CARMIL1: variants seen among roughly 807,000 people sequenced by gnomAD.
CARMIL1 encodes the protein capping protein regulator and myosin 1 linker 1.
In CARMIL1, 90 loss-of-function variants were observed where a neutral mutation model predicts 177.1. The observed-to-expected ratio is 0.51, with a 90% CI of 0.43 to 0.61. The LOEUF is 0.61. Ranked by LOEUF, CARMIL1 falls within the 20% of genes least tolerant of loss-of-function variation. The pLI, the probability that CARMIL1 is intolerant of heterozygous loss-of-function variation, is 0.00. For missense variants in CARMIL1, 1,380 were observed against 1,667.0 expected, an observed-to-expected ratio of 0.83 and a Z score of 3.00; for synonymous variants, 577 against 606.2, an observed-to-expected ratio of 0.95 and a Z score of 0.71.
rs564548432 is a variant in CARMIL1, at chr6:25,284,979, A to C, written c.138+70A>C. ...TGTGTTTTCATTGTTTAGATTGCTTAATTTTCATGCAGCATTACTTCTGTG... is the reference window on the plus strand; with the variant it reads ...TGTGTTTTCATTGTTTAGATTGCTTCATTTTCATGCAGCATTACTTCTGTG... On this transcript the variant is annotated intron_variant, in intron 2 of 36. Transcript: ENST00000329474. 3.3e-5 allele frequency: 31 copies of C among 927,048 alleles called. No homozygotes were observed. The African/African-American group carries it at 5.2e-4, about 15-fold the overall frequency. 57.4% of individuals were successfully genotyped at this position (927,048 alleles called of 1,614,324 possible).
chr6:25,386,509 C>G (rs539177588), intron 2 of CARMIL1, among the ~76,000 whole-genome samples: 6 of 152,238 alleles, frequency 3.9e-5, no homozygotes, highest in African/African-American at 1.2e-4. Context: ...TCCCAAAGTG[C>G]TGGGATTACA....
At chr6:25,569,473 C>T (rs967129184) in intron 29 of CARMIL1, among the ~76,000 whole-genome samples, 8 of 152,122 alleles carry the variant, frequency 5.3e-5, no homozygotes, top group Non-Finnish European at 1.0e-4. Context: ...GATTGATTAC[C>T]ACAGCTCTAT....
At chr6:25,280,481 C>T (rs1780996335) in intron 1 of CARMIL1, among the ~76,000 whole-genome samples, 1 of 151,996 alleles carries the variant, frequency 6.6e-6, no homozygotes, top group Non-Finnish European at 1.5e-5. Context: ...TGATAAAAGC[C>T]TTATTTTAAT....
Position 25,445,804 on chromosome 6 carries a change from A to C in CARMIL1, c.372-4094A>C, listed in dbSNP as rs1453969538. Among the ~76,000 whole-genome samples, 3 of 152,064 alleles carry C rather than the reference A, an allele frequency of 2.0e-5. No homozygotes were observed. The East Asian group carries it at 5.8e-4, about 29-fold the overall frequency. On this transcript the variant is annotated intron_variant, in intron 5 of 36. Coordinates refer to ENST00000329474, the MANE Select transcript of CARMIL1 (RefSeq NM_017640.6). ...CCACACGCCTCGGCTGGGATTACAG[A>C]CACAAAATATATTTCTTAATAAGAC...
intron 26 of CARMIL1, among the ~76,000 whole-genome samples, chr6:25,545,067 T>C (rs925538581): frequency 1.2e-4 from 19 of 152,204 alleles, no homozygotes; most frequent in African/African-American, 3.9e-4. Context: ...AGCTCAGATA[T>C]TCCTATCATC....
chr6:25,280,587 GTTT>G (rs780841300), intron 1 of CARMIL1, among the ~76,000 whole-genome samples: 1 of 139,720 alleles, frequency 7.2e-6, no homozygotes. Context: ...GTACCTTGAG[GTTT>G]TTTTTTTTTT....
At chr6:25,462,778 C>G (rs1240611702) in intron 8 of CARMIL1, among the ~76,000 whole-genome samples, 1 of 152,154 alleles carries the variant, frequency 6.6e-6, no homozygotes, top group Admixed American at 6.5e-5. Context: ...TTCAGCAAGT[C>G]TCTCGTCTTT....
intron 13 of CARMIL1, 56 bp from the exon 14 acceptor site, chr6:25,491,676 T>C (rs2150997807): frequency 9.3e-7 from 1 of 1,070,904 alleles, no homozygotes; most frequent in South Asian, 1.5e-5. Context: ...TAACTTGCAT[T>C]GTGTGTATGT....
chr6:25,588,329 A>G (rs918694938), intron 31 of CARMIL1, among the ~76,000 whole-genome samples: 2 of 152,170 alleles, frequency 1.3e-5, no homozygotes, highest in African/African-American at 2.4e-5. Context: ...TGTTCATATC[A>G]TAGTCCATTA....
chr6:25,352,430 G>A (rs1788202241), intron 2 of CARMIL1, among the ~76,000 whole-genome samples: 1 of 151,962 alleles, frequency 6.6e-6, no homozygotes, highest in South Asian at 2.1e-4. Context: ...TATAACTCAG[G>A]GGAACGTCTG....
Position 25,604,853 on chromosome 6 carries a change from A to T in CARMIL1, c.3594A>T (p.Pro1198=), listed in dbSNP as rs1395741543. The change falls in exon 34 of 37, where the codon CCA becomes CCT. Residue 1198 remains proline, a synonymous_variant. Transcript: ENST00000329474. ...NDAVSQDSSS[P]ALSGVERSDG... is the part of the protein sequence containing the mutation. ...CCGTATCCCAGGATTCTTCCAGCCC[A>T]GCTTTGAGCGGCGTAGAACGGTCGG... 1.9e-6 allele frequency: 3 copies of T among 1,598,338 alleles called. No homozygotes were observed. The highest frequency in any genetic ancestry group is 1.7e-6 in the Non-Finnish European group (2 of 1,172,938).
chr6:25,548,033 A>T (rs1809687716), intron 26 of CARMIL1, among the ~76,000 whole-genome samples: 1 of 152,164 alleles, frequency 6.6e-6, no homozygotes, highest in Non-Finnish European at 1.5e-5. Context: ...TTGTGTGCAA[A>T]GCATGGAAAC....
At chr6:25,512,785 G>A (rs553875672) in intron 20 of CARMIL1, among the ~76,000 whole-genome samples, 1 of 152,280 alleles carries the variant, frequency 6.6e-6, no homozygotes, top group East Asian at 1.9e-4. Context: ...TCATGGGACA[G>A]TAACATAGAG....
chr6:25,574,276 G>A (rs988980174), intron 29 of CARMIL1, among the ~76,000 whole-genome samples: 3 of 152,190 alleles, frequency 2.0e-5, no homozygotes, highest in Non-Finnish European at 4.4e-5. Context: ...ACATTCCTAA[G>A]AAATTACAAA....
At chr6:25,527,412 G>A (rs1439222918) in intron 23 of CARMIL1, among the ~76,000 whole-genome samples, 1 of 152,220 alleles carries the variant, frequency 6.6e-6, no homozygotes, top group Non-Finnish European at 1.5e-5. Context: ...TGTGAGATGA[G>A]CCTTCTGAGA....
chr6:25,573,236 A>T (rs1294892633), intron 29 of CARMIL1, among the ~76,000 whole-genome samples: 1 of 152,058 alleles, frequency 6.6e-6, no homozygotes, highest in Admixed American at 6.5e-5. Context: ...TTTATCTATC[A>T]TGTGTTTTTG....
chr6:25,363,899 C>T (rs1356517257), intron 2 of CARMIL1, among the ~76,000 whole-genome samples: 1 of 152,098 alleles, frequency 6.6e-6, no homozygotes, highest in Admixed American at 6.5e-5. Context: ...AACACTTTAA[C>T]ACTTTTTAGA....
chr6:25,473,651 A>C (rs1237191958), intron 11 of CARMIL1, among the ~76,000 whole-genome samples: 1 of 152,162 alleles, frequency 6.6e-6, no homozygotes, highest in Non-Finnish European at 1.5e-5. Context: ...GTGGAGAAAA[A>C]TCCACACGGA....
chr6:25,529,779 A>G (rs1210964173), intron 24 of CARMIL1, among the ~76,000 whole-genome samples: 1 of 133,134 alleles, frequency 7.5e-6, no homozygotes, highest in African/African-American at 2.8e-5. Context: ...AAAAAAAAAA[A>G]AAAAAAGAAT....
Sources: allele counts gnomAD v4.1 joint callset (sites outside exome capture counted in the v4.1 genomes callset), GRCh38; gene constraint gnomAD v4.1.1; transcripts MANE v1.5; gene names NCBI Gene and HGNC (gene_info 2026-07-23, HGNC 2026-07-21).